Variants in C9 observed in about 807,000 individuals in gnomAD.
C9 encodes the protein complement component C9.
Under a neutral mutation model 65.4 loss-of-function variants are expected in C9, and 63 were observed. The ratio of observed to expected loss-of-function variants is 0.96; its 90% CI spans 0.79 to 1.19. The LOEUF (loss-of-function observed/expected upper bound fraction) is 1.19, where lower values mean the gene tolerates loss of function less well. Ranked by LOEUF, C9 falls within the 50% of genes most tolerant of loss-of-function variation. The pLI, the probability that C9 is intolerant of heterozygous loss-of-function variation, is 0.00. For synonymous variants in C9, 229 were observed against 227.9 expected (o/e 1.00, Z -0.04); for missense variants, 744 against 670.1 (o/e 1.11, Z -1.22).
intron 8 of C9, 37 bp from the exon 9 acceptor site, chr5:39,306,829 A>G: frequency 6.8e-7 from 1 of 1,479,238 alleles, no homozygotes; most frequent in Non-Finnish European, 9.5e-7. Flanking sequence ...GAAGCAGAAG[A>G]AGTTTAAAGA....
intron 9 of C9, among the ~76,000 whole-genome samples, chr5:39,301,757 A>C (rs577550741): frequency 6.6e-6 from 1 of 152,118 alleles, no homozygotes; most frequent in Non-Finnish European, 1.5e-5. Flanking sequence ...TATTTGCAAA[A>C]CTTTAGTTGT....
chr5:39,338,769 C>T (rs1247442031), intron 4 of C9, among the ~76,000 whole-genome samples: 1 of 152,162 alleles, frequency 6.6e-6, no homozygotes, highest in African/African-American at 2.4e-5. Flanking sequence ...TAACACCAAC[C>T]CTGACTGTGG....
At position 39,308,242 on chromosome 5, in the gene C9, C is replaced by T. The variant is rs775963620; in HGVS notation, c.1228G>A (p.Glu410Lys). 1 of 1,613,276 alleles carries T rather than the reference C, an allele frequency of 6.2e-7. No individual in the cohort carries two copies. The highest frequency in any genetic ancestry group is 1.1e-5 in the South Asian group (1 of 91,068). The change falls in exon 8 of 11, where the codon GAG becomes AAG. Residue 410 changes from glutamate to lysine, a missense_variant. Physicochemically the swap from Glu to Lys is moderately conservative, Grantham distance 56 (BLOSUM62 1). Coordinates refer to ENST00000263408, the MANE Select transcript of C9 (RefSeq NM_001737.5). ...AGGCCACACTTACCAGCTCTACCCT[C>T]TCCCCTCTTTACACAATCATCTTTA... ...FNKDDCVKRG[E>K]GRAVNITSEN...
At chr5:39,315,565 A>C (rs1329498589) in intron 6 of C9, among the ~76,000 whole-genome samples, 1 of 152,154 alleles carries the variant, frequency 6.6e-6, no homozygotes. Context: ...TTTTCTGCTC[A>C]CTACCACCAA....
intron 5 of C9, among the ~76,000 whole-genome samples, chr5:39,324,345 C>T (rs1007720009): frequency 3.3e-5 from 5 of 151,982 alleles, no homozygotes; most frequent in African/African-American, 4.8e-5. Flanking sequence ...CAGAAAATCT[C>T]GAATGGCCAA....
intron 4 of C9, among the ~76,000 whole-genome samples, chr5:39,338,662 G>C (rs1561349223): frequency 1.3e-5 from 2 of 152,170 alleles, no homozygotes; most frequent in South Asian, 2.1e-4. Flanking sequence ...ATTCTATCAA[G>C]ACCTACTTCA....
At chr5:39,293,263 A>G (rs1753128542) in intron 9 of C9, among the ~76,000 whole-genome samples, 2 of 152,036 alleles carry the variant, frequency 1.3e-5, no homozygotes, top group Admixed American at 6.6e-5. Context: ...AGAGATATAG[A>G]TAGCCTAAAT....
chr5:39,323,442 C>T (rs970912304), intron 5 of C9, among the ~76,000 whole-genome samples: 15 of 148,370 alleles, frequency 1.0e-4, no homozygotes, highest in African/African-American at 3.7e-4. Flanking sequence ...AAACTAAATT[C>T]AGAAATATAT....
chr5:39,343,467 G>A (rs539788251), intron 1 of C9, among the ~76,000 whole-genome samples: 203 of 152,324 alleles, frequency 1.3e-3, no homozygotes, highest in African/African-American at 1.9e-3. Flanking sequence ...CAAGGGCAGC[G>A]AGGCTGGGGA....
intron 4 of C9, among the ~76,000 whole-genome samples, chr5:39,333,030 A>G (rs1753873654): frequency 1.3e-5 from 2 of 152,212 alleles, no homozygotes; most frequent in Non-Finnish European, 2.9e-5. Flanking sequence ...ACCACCTCCC[A>G]CTGCCTGTCC....
intron 1 of C9, among the ~76,000 whole-genome samples, chr5:39,349,757 C>T (rs1035800642): frequency 6.6e-6 from 1 of 152,174 alleles, no homozygotes; most frequent in Non-Finnish European, 1.5e-5. Context: ...ACCACTGTTG[C>T]TCTTCAGGAC....
Position 39,306,754 on chromosome 5 carries a change from A to T in C9, c.1279T>A (p.Ser427Thr), listed in dbSNP as rs34421659. 3,232 of 1,612,516 alleles carry T rather than the reference A, an allele frequency of 2.0e-3. 57 individuals are homozygous for T. The African/African-American group carries it at 0.039, about 19-fold the overall frequency. The change falls in exon 9 of 11, where the codon TCA (serine) becomes ACA (threonine). Residue 427 changes from serine to threonine, a missense_variant. By Grantham distance (58) the Ser-to-Thr change is moderately conservative (BLOSUM62 1). Transcript: ENST00000263408. ...TSENLIDDVV[S>T]LIRGGTRKYA... ...TTTCTGGTTCCACCTCTTATGAGTG[A>T]AACAACATCATCTATGAGGTTTTCA...
At chr5:39,318,274 A>G (rs1375248425) in intron 5 of C9, among the ~76,000 whole-genome samples, 3 of 152,148 alleles carry the variant, frequency 2.0e-5, no homozygotes, top group African/African-American at 7.2e-5. Context: ...TTTTCTAAAT[A>G]TAGGATCATG....
intron 1 of C9, among the ~76,000 whole-genome samples, chr5:39,360,297 C>T (rs1754492997): frequency 6.6e-6 from 1 of 151,936 alleles, no homozygotes; most frequent in Admixed American, 6.6e-5. Context: ...AGATGAGGAC[C>T]TGAGCCACAG....
At chr5:39,299,061 T>C (rs979232511) in intron 9 of C9, among the ~76,000 whole-genome samples, 1 of 151,948 alleles carries the variant, frequency 6.6e-6, no homozygotes. Context: ...AGATAATCTA[T>C]GTAAAACCTA....
At chr5:39,288,273 G>C (rs1753027572) in intron 10 of C9, among the ~76,000 whole-genome samples, 1 of 151,530 alleles carries the variant, frequency 6.6e-6, no homozygotes, top group Non-Finnish European at 1.5e-5. Flanking sequence ...TGGGGGGCGG[G>C]GATGTGGTAC....
intron 1 of C9, among the ~76,000 whole-genome samples, chr5:39,359,996 A>C (rs1408650990): frequency 6.6e-6 from 1 of 152,246 alleles, no homozygotes; most frequent in African/African-American, 2.4e-5. Context: ...TGCATGGAAT[A>C]TAAAAATGAA....
At chr5:39,332,278 C>A (rs576996915) in intron 4 of C9, among the ~76,000 whole-genome samples, 2 of 152,258 alleles carry the variant, frequency 1.3e-5, no homozygotes, top group African/African-American at 4.8e-5. Flanking sequence ...TCACTCACCC[C>A]ATTCTCTTTA....
chr5:39,354,650 G>A (rs1364999321), intron 1 of C9, among the ~76,000 whole-genome samples: 1 of 152,182 alleles, frequency 6.6e-6, no homozygotes, highest in Non-Finnish European at 1.5e-5. Context: ...TGATATTCAA[G>A]CTGAACAAAA....
Sources: allele counts gnomAD v4.1 joint callset (sites outside exome capture counted in the v4.1 genomes callset), GRCh38; gene constraint gnomAD v4.1.1; transcripts MANE v1.5; gene names NCBI Gene and HGNC (gene_info 2026-07-23, HGNC 2026-07-21).